LINGO2: variants seen among roughly 807,000 people sequenced by gnomAD.
The protein encoded by LINGO2 is leucine rich repeat and Ig domain containing 2.
LINGO2 carries 14 observed loss-of-function variants against 30.6 expected under a neutral mutation model. That is an observed-to-expected ratio of 0.46 (90% CI 0.30 to 0.72). The LOEUF (loss-of-function observed/expected upper bound fraction) is 0.72. Ranked by LOEUF, LINGO2 falls within the 30% of genes least tolerant of loss-of-function variation. The pLI, the probability that LINGO2 is intolerant of heterozygous loss-of-function variation, is 0.07. For missense variants in LINGO2, 729 were observed against 751.7 expected (o/e 0.97, Z 0.35); for synonymous variants, 317 against 288.5 (o/e 1.10, Z -1.00).
chr9:29,014,415 G>T, the LINGO2 span, among the ~76,000 whole-genome samples: 5 of 152,102 alleles, frequency 3.3e-5, no homozygotes, highest in African/African-American at 1.2e-4. Context: ...TGCCATTGCT[G>T]TAATCTAATA....
chr9:29,040,187 T>C, the LINGO2 span, among the ~76,000 whole-genome samples: 1 of 152,120 alleles, frequency 6.6e-6, no homozygotes, highest in Non-Finnish European at 1.5e-5. Context: ...ATTATATTAT[T>C]ATGCAACTGC....
Position 28,405,046 on chromosome 9 carries a change from A to T in LINGO2, c.-278-32178T>A, listed in dbSNP as rs572467241. 5.9e-4 allele frequency among the ~76,000 whole-genome samples: 90 copies of T among 152,266 alleles called. 1 individual carries two copies. In the South Asian group the frequency reaches 0.019, roughly 32 times the overall value. ...ATTAAATTTAAAAAGATCTAACTCA[A>T]TAAGGAGAAGTGTGCCTTTCTCGTT... On this transcript the variant is annotated intron_variant, in intron 2 of 5. Coordinates refer to ENST00000379992, the Ensembl canonical transcript of LINGO2.
intron 1 of LINGO2, among the ~76,000 whole-genome samples, chr9:28,643,317 G>T (rs1005549652): frequency 2.0e-5 from 3 of 151,896 alleles, no homozygotes; most frequent in Non-Finnish European, 4.4e-5. Context: ...AACCAAAAAA[G>T]CATGCTACTG....
chr9:28,899,278 C>G, the LINGO2 span, among the ~76,000 whole-genome samples: 2 of 152,204 alleles, frequency 1.3e-5, no homozygotes, highest in African/African-American at 4.8e-5. Flanking sequence ...CAGACTGAGC[C>G]TTGAGACCAA....
chr9:28,178,011 A>T (rs1352709897), intron 4 of LINGO2, among the ~76,000 whole-genome samples: 1 of 152,198 alleles, frequency 6.6e-6, no homozygotes. Context: ...ACATGAATCT[A>T]TGCAAATAGA....
intron 1 of LINGO2, among the ~76,000 whole-genome samples, chr9:28,631,597 C>T (rs10968692): frequency 0.25 from 38,148 of 151,702 alleles, 5,199 homozygotes; most frequent in African/African-American, 0.35. Flanking sequence ...AAATAAGGGT[C>T]GTAATATTGG....
the LINGO2 span, among the ~76,000 whole-genome samples, chr9:28,726,590 AT>A: frequency 2.0e-5 from 3 of 152,220 alleles, no homozygotes; most frequent in Non-Finnish European, 4.4e-5. Context: ...AAATTTGCAG[AT>A]TGAAACCTTA....
At chr9:28,241,300 G>A (rs150049588) in intron 4 of LINGO2, among the ~76,000 whole-genome samples, 240 of 121,336 alleles carry the variant, frequency 2.0e-3, no homozygotes, top group Non-Finnish European at 2.5e-3. Flanking sequence ...AAAGAAAAAA[G>A]AAAAAAAAAA....
chr9:28,615,239 T>A (rs897469213), intron 1 of LINGO2, among the ~76,000 whole-genome samples: 1 of 152,132 alleles, frequency 6.6e-6, no homozygotes, highest in African/African-American at 2.4e-5. Flanking sequence ...AGAGGGCCCA[T>A]GGATAATTCA....
At chr9:28,038,104 G>A (rs1484975589) in intron 4 of LINGO2, among the ~76,000 whole-genome samples, 1 of 152,188 alleles carries the variant, frequency 6.6e-6, no homozygotes, top group Admixed American at 6.5e-5. Context: ...GCTCTTCTTA[G>A]ATAATTCTGA....
the LINGO2 span, among the ~76,000 whole-genome samples, chr9:29,186,579 A>T: frequency 6.6e-6 from 1 of 152,170 alleles, no homozygotes; most frequent in South Asian, 2.1e-4. Context: ...AGCCATCAGA[A>T]TAATACTTCT....
At chr9:28,400,546 G>C (rs1822220262) in intron 2 of LINGO2, among the ~76,000 whole-genome samples, 1 of 152,150 alleles carries the variant, frequency 6.6e-6, no homozygotes, top group South Asian at 2.1e-4. Flanking sequence ...GGAGAGTTAA[G>C]AATAACATGA....
At chr9:27,975,113 CTG>C (rs1820535198) in intron 5 of LINGO2, among the ~76,000 whole-genome samples, 1 of 151,878 alleles carries the variant, frequency 6.6e-6, no homozygotes, top group South Asian at 2.1e-4. Flanking sequence ...GCTTTAAGGA[CTG>C]TGTAGAAATA....
Position 28,139,389 on chromosome 9 carries a change from G to A in LINGO2, c.-86-126984C>T, listed in dbSNP as rs147935078. Among the ~76,000 whole-genome samples, 756 of 152,198 alleles carry A rather than the reference G, an allele frequency of 5.0e-3. 5 individuals are homozygous for A. Among genetic ancestry groups the A allele is most frequent in the African/African-American group, 0.017 (705 of 41,506 alleles). ...AAAGTATCCTTAACTCAAATTGTGTGGGTAGAATATACCTTTCTTTTTAAT... is the reference window on the plus strand; with the variant it reads ...AAAGTATCCTTAACTCAAATTGTGTAGGTAGAATATACCTTTCTTTTTAAT... On this transcript the variant is annotated intron_variant, in intron 4 of 5. Coordinates refer to ENST00000379992, the Ensembl canonical transcript of LINGO2.
the LINGO2 span, among the ~76,000 whole-genome samples, chr9:29,145,723 T>G: frequency 6.6e-6 from 1 of 152,136 alleles, no homozygotes; most frequent in African/African-American, 2.4e-5. Flanking sequence ...ATATAAAGAG[T>G]AAGCATATGA....
chr9:28,436,614 C>T (rs1454901282), intron 2 of LINGO2, among the ~76,000 whole-genome samples: 1 of 151,924 alleles, frequency 6.6e-6, no homozygotes, highest in Non-Finnish European at 1.5e-5. Context: ...CCCGCCACCA[C>T]GACCGGCTAA....
intron 4 of LINGO2, among the ~76,000 whole-genome samples, chr9:28,098,136 G>C (rs1839965): frequency 0.98 from 149,136 of 152,190 alleles, 73,144 homozygotes; most frequent in East Asian, 1. Context: ...GAAACTCCAT[G>C]TCTACTGAAA....
At chr9:28,703,263 T>C in the LINGO2 span, among the ~76,000 whole-genome samples, 15,158 of 151,908 alleles carry the variant, frequency 0.1, 1,004 homozygotes, top group East Asian at 0.2. Flanking sequence ...AAATGCTATA[T>C]ATTTCCCTGT....
chr9:28,724,224 G>C, the LINGO2 span, among the ~76,000 whole-genome samples: 39 of 152,096 alleles, frequency 2.6e-4, 1 homozygote, highest in East Asian at 4.3e-3. Flanking sequence ...CTTATTATGG[G>C]CCAACCATTG....
Sources: allele counts gnomAD v4.1 joint callset (sites outside exome capture counted in the v4.1 genomes callset), GRCh38; gene constraint gnomAD v4.1.1; transcripts MANE v1.5; gene names NCBI Gene and HGNC (gene_info 2026-07-23, HGNC 2026-07-21).